Variants in MSI2 observed in about 807,000 individuals in gnomAD.
MSI2 encodes RNA-binding protein Musashi homolog 2.
Under a neutral mutation model 45.6 loss-of-function variants are expected in MSI2, and 17 were observed. That is an observed-to-expected ratio of 0.37 (90% CI 0.26 to 0.56). The LOEUF (loss-of-function observed/expected upper bound fraction) is 0.56. Ranked by LOEUF, MSI2 falls within the 20% of genes least tolerant of loss-of-function variation. MSI2 has a pLI of 0.77. For synonymous variants in MSI2, 156 were observed against 158.2 expected (o/e 0.99, Z 0.11); for missense variants, 293 against 444.2 (o/e 0.66, Z 3.06).
intron 5 of MSI2, among the ~76,000 whole-genome samples, chr17:57,286,742 A>G (rs1909926268): frequency 6.6e-6 from 1 of 151,896 alleles, no homozygotes; most frequent in Non-Finnish European, 1.5e-5. Context: ...TTCCTTTCCT[A>G]AGGCAAAATG....
chr17:57,348,042 A>T (rs1018527131), intron 5 of MSI2, among the ~76,000 whole-genome samples: 2 of 152,198 alleles, frequency 1.3e-5, no homozygotes, highest in South Asian at 2.1e-4. Flanking sequence ...AGCCTTTCTC[A>T]TCTGCTCATG....
intron 6 of MSI2, among the ~76,000 whole-genome samples, chr17:57,433,235 C>T (rs1294081846): frequency 1.3e-5 from 2 of 152,198 alleles, no homozygotes; most frequent in Admixed American, 6.5e-5. Context: ...CTCCCAAATT[C>T]GTGTTCACCT....
At position 57,529,483 on chromosome 17, in the gene MSI2, G is replaced by GTATA. The variant is rs1228474205; in HGVS notation, c.406-192_406-189dup. ...AAGGGAACTATATAAAATGTTAACT[G>GTATA]TATACAACGGTGTGGAGTGGAAAGA... On this transcript the variant is annotated intron_variant, in intron 6 of 13. Coordinates refer to ENST00000284073, the MANE Select transcript of MSI2 (RefSeq NM_138962.4). This position sits in a 1 kb window ranked among gnomAD's most constrained non-coding sequence, Gnocchi z 5.3. Among the ~76,000 whole-genome samples, 1 of 150,922 alleles carries GTATA rather than the reference G, an allele frequency of 6.6e-6. No individual in the cohort carries two copies. Among genetic ancestry groups the GTATA allele is most frequent in the African/African-American group, 2.5e-5 (1 of 40,696 alleles).
At chr17:57,639,691 G>A (rs1207640177) in intron 10 of MSI2, among the ~76,000 whole-genome samples, 1 of 152,220 alleles carries the variant, frequency 6.6e-6, no homozygotes, top group African/African-American at 2.4e-5. Flanking sequence ...CAGATGCTTG[G>A]CTGCCCCCAG....
chr17:57,680,446 T>A lies in MSI2; in HGVS notation c.*929T>A, dbSNP rs186087121. On this transcript the variant is annotated 3_prime_UTR_variant, in exon 14 of 14. Transcript: ENST00000284073. Reference sequence around the variant, plus strand: ...CGGTCCCAGGCAGTTTGATGCTCTGTGGAAGGAGGCGGGAAGGGAACGTTG... The same window carrying A: ...CGGTCCCAGGCAGTTTGATGCTCTGAGGAAGGAGGCGGGAAGGGAACGTTG... 3.8e-4 allele frequency: 86 copies of A among 229,276 alleles called. No homozygotes were observed. Among genetic ancestry groups the A allele is most frequent in the Non-Finnish European group, 5.5e-4 (64 of 115,610 alleles). The allele number at this position is 229,276 out of a possible 1,614,324, so 14.2% of individuals were successfully genotyped here. A position where few individuals can be genotyped will look rare whatever the true frequency, so the allele number is the denominator to read the frequency against.
intron 7 of MSI2, among the ~76,000 whole-genome samples, chr17:57,554,105 C>T (rs2087372462): frequency 1.3e-5 from 2 of 151,992 alleles, no homozygotes; most frequent in Admixed American, 6.5e-5. Flanking sequence ...TCATGGGATC[C>T]GGGTGCTAAT....
At chr17:57,567,383 T>G (rs1014938762) in intron 7 of MSI2, among the ~76,000 whole-genome samples, 1 of 152,238 alleles carries the variant, frequency 6.6e-6, no homozygotes, top group Non-Finnish European at 1.5e-5. Flanking sequence ...CTTTTTCCAG[T>G]TTGAAAAGCA....
intron 5 of MSI2, among the ~76,000 whole-genome samples, chr17:57,374,554 A>C (rs887387654): frequency 2.0e-5 from 3 of 152,170 alleles, no homozygotes; most frequent in African/African-American, 7.2e-5. Flanking sequence ...AGGCAGGTGG[A>C]TCACCTGAGG....
chr17:57,528,854 A>G (rs941494212), intron 6 of MSI2, among the ~76,000 whole-genome samples: 10 of 152,184 alleles, frequency 6.6e-5, no homozygotes, highest in Admixed American at 2.0e-4. Context: ...TAGGACTTCA[A>G]CTATGAATTT....
intron 6 of MSI2, among the ~76,000 whole-genome samples, chr17:57,477,421 C>T (rs1164598187): frequency 3.3e-5 from 5 of 152,102 alleles, no homozygotes; most frequent in Non-Finnish European, 5.9e-5. Context: ...TTCCTTTTGA[C>T]GCCCTGCGCT....
chr17:57,304,298 G>A (rs1598095640), intron 5 of MSI2, among the ~76,000 whole-genome samples: 2 of 148,070 alleles, frequency 1.4e-5, no homozygotes, highest in African/African-American at 5.0e-5. Context: ...TGGAGGTTGC[G>A]GTGAGCCGAG....
intron 5 of MSI2, among the ~76,000 whole-genome samples, chr17:57,366,142 G>T (rs543343586): frequency 3.7e-4 from 56 of 152,252 alleles, no homozygotes; most frequent in African/African-American, 1.3e-3. Context: ...GAGCTCCTGA[G>T]CTCAAGCAGC....
downstream of MSI2, among the ~76,000 whole-genome samples, chr17:57,686,308 A>G (rs1913879990): frequency 6.6e-6 from 1 of 152,224 alleles, no homozygotes; most frequent in African/African-American, 2.4e-5. Context: ...TGTTTCATGG[A>G]GAAAAAATAA....
At chr17:57,298,496 G>A (rs1343111627) in intron 5 of MSI2, among the ~76,000 whole-genome samples, 1 of 152,126 alleles carries the variant, frequency 6.6e-6, no homozygotes. Context: ...AGACCAGCCT[G>A]GCCAACATGG....
chr17:57,397,286 C>T (rs1243804464), intron 5 of MSI2, among the ~76,000 whole-genome samples: 1 of 152,106 alleles, frequency 6.6e-6, no homozygotes, highest in Admixed American at 6.5e-5. Flanking sequence ...GTATAGAACC[C>T]GGGGGCCTGC....
chr17:57,300,668 A>G (rs1289559064), intron 5 of MSI2, among the ~76,000 whole-genome samples: 2 of 152,226 alleles, frequency 1.3e-5, no homozygotes, highest in Admixed American at 1.3e-4. Flanking sequence ...ATAAAGAAAA[A>G]GAGGTTTAAT....
At position 57,286,046 on chromosome 17, in the gene MSI2, G is replaced by A. The variant is rs753973728; in HGVS notation, c.312+23854G>A. 3 of 1,438,712 alleles carry A rather than the reference G, an allele frequency of 2.1e-6. No individual in the cohort carries two copies. The South Asian group carries it at 4.2e-5, about 20-fold the overall frequency. 89.1% of individuals were successfully genotyped at this position (1,438,712 alleles called of 1,614,324 possible). A position where few individuals can be genotyped will look rare whatever the true frequency, so the allele number is the denominator to read the frequency against. Reference sequence around the variant, plus strand: ...AAGTTCATGCTGTTCATATTAGCTAGCCAGCCTCTTTCTGTCTTTCCCTCC... The same window carrying A: ...AAGTTCATGCTGTTCATATTAGCTAACCAGCCTCTTTCTGTCTTTCCCTCC... On this transcript the variant is annotated intron_variant, in intron 5 of 13. Transcript: ENST00000284073.
At position 57,640,578 on chromosome 17, in the gene MSI2, G is replaced by A. The variant is rs1166050044; in HGVS notation, c.728-11521G>A. On this transcript the variant is annotated intron_variant, in intron 10 of 13. Coordinates refer to ENST00000284073, the MANE Select transcript of MSI2 (RefSeq NM_138962.4). The stretch of plus-strand genomic sequence containing the variant: ...CACTGAATCACTGATCTTCACTGCA[G>A]CCCTAGGAGGAGGTGTCATTAACTG... Among the ~76,000 whole-genome samples the A allele has an allele frequency of 2.6e-5, 4 of 152,220 alleles. No individual in the cohort carries two copies. In the South Asian group the frequency reaches 8.3e-4, roughly 32 times the overall value.
intron 5 of MSI2, among the ~76,000 whole-genome samples, chr17:57,362,372 C>A (rs180934880): frequency 1.6e-3 from 251 of 152,294 alleles, no homozygotes; most frequent in African/African-American, 5.8e-3. Flanking sequence ...AACGGAAGAT[C>A]CTGTGGCATT....
Sources: gnomAD v4.1 joint callset for allele counts (sites outside exome capture counted in the v4.1 genomes callset) on GRCh38, gnomAD v4.1.1 for gene constraint, Gnocchi (gnomAD v3.1) non-coding constraint, MANE v1.5 for transcripts, NCBI Gene and HGNC (gene_info 2026-07-23, HGNC 2026-07-21) for gene names.